Variants in CHRNA10 observed in about 807,000 individuals in gnomAD.
CHRNA10 encodes the protein cholinergic receptor nicotinic alpha 10 subunit, also known as neuronal acetylcholine receptor subunit alpha-10.
A neutral mutation model predicts 36.0 loss-of-function variants in CHRNA10; 31 were observed. That is an observed-to-expected ratio of 0.86 (90% CI 0.65 to 1.16). The LOEUF is 1.16. Ranked by LOEUF, CHRNA10 falls within the 50% of genes most tolerant of loss-of-function variation. CHRNA10 has a pLI of 0.00. For synonymous variants in CHRNA10, 302 were observed against 287.0 expected, an observed-to-expected ratio of 1.05 and a Z score of -0.53; for missense variants, 648 against 640.9, an observed-to-expected ratio of 1.01 and a Z score of -0.12.
At position 3,666,300 on chromosome 11, in the gene CHRNA10, C is replaced by T. The variant is rs148252978; in HGVS notation, c.1160G>A (p.Arg387Gln). ...GPPAGPCHEP[R>Q]CLCRQEALLH... is the part of the protein sequence containing the mutation. ...TAGGGCTTCCTGGCGGCACAGACAT[C>T]GTGGCTCGTGGCAAGGGCCCGCTGG... is the stretch of plus-strand genomic sequence containing the variant. Residue 387 changes from arginine to glutamine, a missense_variant, in exon 5 of 5, where the codon CGA (arginine) becomes CAA (glutamine). Physicochemically the swap from Arg to Gln is conservative, Grantham distance 43. Transcript: ENST00000250699. 6.8e-5 allele frequency: 110 copies of T among 1,613,272 alleles called. No individual in the cohort carries two copies. The African/African-American group carries it at 1.2e-3, about 18-fold the overall frequency.
rs779466362 is a variant in CHRNA10 at position 3,667,507 on chromosome 11, A to T, written c.620T>A (p.Met207Lys). The T allele has an allele frequency of 6.3e-7, 1 of 1,581,492 alleles. No individual in the cohort carries two copies. The highest frequency in any genetic ancestry group is 8.5e-7 in the Non-Finnish European group (1 of 1,171,564). ...GGTGAGCACGCGCCGCCGCGCCGGC[A>T]TGCCCAGCACGCGCCACTCCACGTT... Reference protein sequence around the residue: ...VENVEWRVLGMPARRRVLTYG... With the variant: ...VENVEWRVLGKPARRRVLTYG... The change falls in exon 4 of 5, where the codon ATG becomes AAG. Residue 207 changes from methionine to lysine, a missense_variant. By Grantham distance (95) the Met-to-Lys change is moderately conservative. Transcript: ENST00000250699.
At chr11:3,670,501 C>T (rs1375284110) in intron 1 of CHRNA10, among the ~76,000 whole-genome samples, 2 of 152,116 alleles carry the variant, frequency 1.3e-5, no homozygotes, top group Non-Finnish European at 2.9e-5. Context: ...CCAGATTTTT[C>T]TCCTGAGCTC....
rs201793421 is a variant in CHRNA10 at position 3,667,504 on chromosome 11, G to T, written c.623C>A (p.Pro208Gln). The T allele has an allele frequency of 1.3e-6, 2 of 1,581,080 alleles. No homozygotes were observed. The highest frequency in any genetic ancestry group is 2.2e-5 in the South Asian group (2 of 89,178). Residue 208 changes from proline (P) to glutamine (Q), a missense_variant, in exon 4 of 5, where the codon CCG (proline) becomes CAG (glutamine). By Grantham distance (76) the Pro-to-Gln change is moderately conservative (BLOSUM62 -1). Coordinates refer to ENST00000250699, the MANE Select transcript of CHRNA10 (RefSeq NM_020402.4). ...GTAGGTGAGCACGCGCCGCCGCGCC[G>T]GCATGCCCAGCACGCGCCACTCCAC... ...ENVEWRVLGM[P>Q]ARRRVLTYGC...
chr11:3,667,454 C>T lies in CHRNA10; in HGVS notation c.673G>A (p.Asp225Asn), dbSNP rs373143429. 3.8e-5 allele frequency: 61 copies of T among 1,594,356 alleles called. No homozygotes were observed. The highest frequency in any genetic ancestry group is 4.8e-5 in the Non-Finnish European group (56 of 1,175,946). The change falls in exon 4 of 5, where the codon GAC becomes AAC. Residue 225 changes from aspartate to asparagine, a missense_variant. By Grantham distance (23) the Asp-to-Asn change is conservative (BLOSUM62 1). Coordinates refer to ENST00000250699, the MANE Select transcript of CHRNA10 (RefSeq NM_020402.4). Reference sequence around the variant, plus strand: ...CGCAGCAGCAGCGTGAAGGTGACGTCGGGGTAGGGCTCGGAGCAGCAGCCG... The same window carrying T: ...CGCAGCAGCAGCGTGAAGGTGACGTTGGGGTAGGGCTCGGAGCAGCAGCCG... ...TYGCCSEPYP[D>N]VTFTLLLRRR...
In CHRNA10 at chr11:3,669,920, C is replaced by T. The variant is rs369800306; in HGVS notation, c.83G>A (p.Arg28Gln). The change falls in exon 2 of 5, where the codon CGG becomes CAG. Residue 28 changes from arginine (R) to glutamine (Q), a missense_variant. Arg to Gln is a conservative substitution (Grantham distance 43). Transcript: ENST00000250699. The part of the protein sequence containing the change: ...LPAECLGAEG[R>Q]LALKLFRDLF... ...GTCACGGAACAGCTTGAGAGCCAGC[C>T]GGCCCTCAGCTCCCAGGCACTCTGG... The T allele has an allele frequency of 1.4e-5, 23 of 1,614,020 alleles. No homozygotes were observed. In the South Asian group the frequency reaches 1.8e-4, roughly 12 times the overall value.
At position 3,667,563 on chromosome 11, in the gene CHRNA10, G is replaced by A. The variant is rs1475734800; in HGVS notation, c.564C>T (p.Gly188=). 2.6e-6 allele frequency: 4 copies of A among 1,559,522 alleles called. No individual in the cohort carries two copies. Among genetic ancestry groups the A allele is most frequent in the Middle Eastern group, 1.7e-4 (1 of 5,772 alleles). Residue 188 remains glycine (G), a synonymous_variant, in exon 4 of 5, where the codon GGC becomes GGT. Coordinates refer to ENST00000250699, the MANE Select transcript of CHRNA10 (RefSeq NM_020402.4). ...CGAAGTCCGCCAGGCTGGCTGCAGC[G>A]CCGCGCGGCCGCACATCCAGTTGGT... ...GGHQLDVRPR[G]AAASLADFVE...
At position 3,667,353 on chromosome 11, in the gene CHRNA10, G is replaced by T; in HGVS notation, c.774C>A (p.Phe258Leu). 6.2e-7 allele frequency: 1 copy of T among 1,601,286 alleles called. No homozygotes were observed. The change falls in exon 4 of 5, where the codon TTC becomes TTA. Residue 258 changes from phenylalanine (F) to leucine (L), a missense_variant. By Grantham distance (22) the Phe-to-Leu change is conservative (BLOSUM62 0). Transcript: ENST00000250699. Reference protein sequence around the residue: ...VLISLLAPLAFHLPADSGEKV... With the variant: ...VLISLLAPLALHLPADSGEKV... ...TCTCGCCTGAGTCGGCAGGCAGGTG[G>T]AAGGCGAGCGGCGCAAGCAGCGAGA...
Position 3,666,112 on chromosome 11 carries a change from G to C in CHRNA10, c.1348C>G (p.Leu450Val). ...VMSLLVLVQAL is the reference protein window; with the variant it reads ...VMSLLVLVQAV ...CTGTGACTTAGTCCCAGCCCTCACA[G>C]GGCCTGCACCAGCACCAGGAGGCTC... Residue 450 changes from leucine (L) to valine (V), a missense_variant, in exon 5 of 5, where the codon CTG (leucine) becomes GTG (valine). Transcript: ENST00000250699. The C allele has an allele frequency of 1.3e-6, 2 of 1,542,518 alleles. No homozygotes were observed. The highest frequency in any genetic ancestry group is 1.7e-6 in the Non-Finnish European group (2 of 1,145,662).
intron 3 of CHRNA10, among the ~76,000 whole-genome samples, chr11:3,667,991 T>TG (rs2077682677): frequency 6.6e-6 from 1 of 152,236 alleles, no homozygotes; most frequent in African/African-American, 2.4e-5. Flanking sequence ...AGTCAGCACT[T>TG]GCTTATCCAA....
chr11:3,671,115 C>A (rs984355436), intron 1 of CHRNA10, 137 bp downstream of exon 1: 8 of 915,826 alleles, frequency 8.7e-6, no homozygotes, highest in Non-Finnish European at 1.4e-5. Context: ...CTCCTCCACA[C>A]TCCCCAAATA....
Position 3,667,603 on chromosome 11 carries a change from C to T in CHRNA10, c.524G>A (p.Trp175Ter). The T allele has an allele frequency of 6.4e-7, 1 of 1,557,502 alleles. No individual in the cohort carries two copies. Among genetic ancestry groups the T allele is most frequent in the South Asian group, 1.2e-5 (1 of 86,414 alleles). Reference protein sequence around the residue: ...AQHCGLTFGSWTHGGHQLDVR... With the variant: ...AQHCGLTFGS ...ATCCAGTTGGTGCCCGCCGTGAGTC[C>T]AGGAGCCGAACGTCAGGCCGCAGTG... Residue 175 changes from tryptophan (W) to a stop codon, truncating the protein, a stop_gained, in exon 4 of 5, where the codon TGG becomes TAG. Transcript: ENST00000250699. LOFTEE classifies it high-confidence loss of function.
chr11:3,666,010 G>T lies in CHRNA10; in HGVS notation c.*97C>A. The T allele has an allele frequency of 9.5e-7, 1 of 1,053,164 alleles. No homozygotes were observed. The highest frequency in any genetic ancestry group is 1.3e-6 in the Non-Finnish European group (1 of 743,420). The allele number at this position is 1,053,164 out of a possible 1,614,324, so 65.2% of individuals were successfully genotyped here. On this transcript the variant is annotated 3_prime_UTR_variant, in exon 5 of 5. Coordinates refer to ENST00000250699, the MANE Select transcript of CHRNA10 (RefSeq NM_020402.4). ...CAGGATCTTAGGAGCAGTGGGGAGA[G>T]ACTGGCTGGCCCAAAGACCAGCAAC...
At position 3,669,949 on chromosome 11, in the gene CHRNA10, G is replaced by T. The variant is rs778101585; in HGVS notation, c.62-8C>A. 1 of 1,613,944 alleles carries T rather than the reference G, an allele frequency of 6.2e-7. No individual in the cohort carries two copies. On this transcript the variant is annotated splice_region_variant and splice_polypyrimidine_tract_variant and intron_variant, in intron 1 of 4. Transcript: ENST00000250699. ...CCTCAGCTCCCAGGCACTCTGGAGGGTCAGTAAGGAGGGTTGTCCATCCCA... is the reference window on the plus strand; with the variant it reads ...CCTCAGCTCCCAGGCACTCTGGAGGTTCAGTAAGGAGGGTTGTCCATCCCA...
At position 3,669,157 on chromosome 11, in the gene CHRNA10, A is replaced by T. The variant is rs777756401; in HGVS notation, c.362+39T>A. The T allele has an allele frequency of 2.0e-5, 32 of 1,590,338 alleles. No individual in the cohort carries two copies. The South Asian group carries it at 3.7e-4, about 18-fold the overall frequency. On this transcript the variant is annotated intron_variant, in intron 3 of 4. Coordinates refer to ENST00000250699, the MANE Select transcript of CHRNA10 (RefSeq NM_020402.4). Reference sequence around the variant, plus strand: ...CCCCCACAGCTAAGGGCAAGTCTAGAGAGGGGTAAGAGAGAGGAGGGGCCC... The same window carrying T: ...CCCCCACAGCTAAGGGCAAGTCTAGTGAGGGGTAAGAGAGAGGAGGGGCCC...
At chr11:3,669,677 G>T in intron 2 of CHRNA10, 119 bp downstream of exon 2, 1 of 1,364,240 alleles carries the variant, frequency 7.3e-7, no homozygotes, top group Non-Finnish European at 1.0e-6. Flanking sequence ...TGCTACCTTT[G>T]TTAATATTAA....
At chr11:3,666,799 C>A (rs1019871707) in intron 4 of CHRNA10, among the ~76,000 whole-genome samples, 1 of 152,150 alleles carries the variant, frequency 6.6e-6, no homozygotes. Flanking sequence ...CTGGAGGCTG[C>A]ACTCATACAC....
intron 1 of CHRNA10, among the ~76,000 whole-genome samples, chr11:3,670,759 C>G (rs2133977069): frequency 6.6e-6 from 1 of 152,336 alleles, no homozygotes; most frequent in South Asian, 2.1e-4. Context: ...CAGATCCTGT[C>G]AGATCATTCA....
At chr11:3,669,070 G>T in intron 3 of CHRNA10, 126 bp downstream of exon 3, 1 of 1,104,580 alleles carries the variant, frequency 9.1e-7, no homozygotes, top group South Asian at 1.6e-5. Context: ...AAGGGTCCTG[G>T]GGAAAAGCTT....
chr11:3,669,984 C>T (rs2741867), intron 1 of CHRNA10, 43 bp from the exon 2 acceptor site: 2 of 1,608,608 alleles, frequency 1.2e-6, no homozygotes, highest in Non-Finnish European at 1.7e-6. Context: ...AGGCCCTAGT[C>T]CCAGGGCCTC....
Sources: gnomAD v4.1 joint callset for allele counts (sites outside exome capture counted in the v4.1 genomes callset) on GRCh38, gnomAD v4.1.1 for gene constraint, MANE v1.5 for transcripts, NCBI Gene and HGNC (gene_info 2026-07-23, HGNC 2026-07-21) for gene names.